Variants in TEX2 observed in about 807,000 individuals in gnomAD.
The protein encoded by TEX2 is testis expressed 2, also known as testis-expressed protein 2.
Under a neutral mutation model 106.9 loss-of-function variants are expected in TEX2, and 53 were observed. That is an observed-to-expected ratio of 0.50 (90% confidence interval 0.40 to 0.62). The LOEUF (loss-of-function observed/expected upper bound fraction) is 0.62, where lower values mean the gene tolerates loss of function less well. Ranked by LOEUF, TEX2 falls within the 20% of genes least tolerant of loss-of-function variation. The pLI is 0.00. For missense variants in TEX2, 1,207 were observed against 1,379.0 expected, an observed-to-expected ratio of 0.88 and a Z score of 1.98; for synonymous variants, 523 against 534.8, an observed-to-expected ratio of 0.98 and a Z score of 0.30.
At chr17:64,235,913 T>G (rs1598214342) in intron 1 of TEX2, among the ~76,000 whole-genome samples, 1 of 152,134 alleles carries the variant, frequency 6.6e-6, no homozygotes, top group East Asian at 1.9e-4. Context: ...ACAAGCTATA[T>G]CAGATGAGCT....
chr17:64,174,825 C>T (rs1213493402), intron 6 of TEX2, among the ~76,000 whole-genome samples: 1 of 152,262 alleles, frequency 6.6e-6, no homozygotes, highest in Non-Finnish European at 1.5e-5. Context: ...ACACTTACTA[C>T]TGGGGCAGAA....
Position 64,148,993 on chromosome 17 carries a change from A to T in TEX2, c.3360T>A (p.Pro1120=). The part of the protein sequence containing the change: ...RSTSCLLKDP[P]VEAADQP ...ATCATGGCTGATCAGCAGCCTCCAC[A>T]GGTGGGTCTTTCAGGAGGCAGGAAG... Residue 1120 remains proline (P), a synonymous_variant, in exon 12 of 12, where the codon CCT becomes CCA. Coordinates refer to ENST00000584379, the MANE Select transcript of TEX2 (RefSeq NM_001288732.2). 6.2e-7 allele frequency: 1 copy of T among 1,614,244 alleles called. No homozygotes were observed. The highest frequency in any genetic ancestry group is 8.5e-7 in the Non-Finnish European group (1 of 1,180,042).
rs781927159 is a variant in TEX2, at chr17:64,213,031, T to G, written c.1187A>C (p.Lys396Thr). 1 of 1,614,242 alleles carries G rather than the reference T, an allele frequency of 6.2e-7. No individual in the cohort carries two copies. Among genetic ancestry groups the G allele is most frequent in the Non-Finnish European group, 8.5e-7 (1 of 1,180,052 alleles). ...QGSSLKDLGL[K>T]TSSLVLEKCS... Reference sequence around the variant, plus strand: ...TTTCTCCAGAACTAGAGAACTTGTCTTCAGGCCTAAATCCTTCAGACTGCT... The same window carrying G: ...TTTCTCCAGAACTAGAGAACTTGTCGTCAGGCCTAAATCCTTCAGACTGCT... Residue 396 changes from lysine to threonine, a missense_variant, in exon 2 of 12, where the codon AAG (lysine) becomes ACG (threonine). Lys to Thr is a moderately conservative substitution (Grantham distance 78, BLOSUM62 -1). Coordinates refer to ENST00000584379, the MANE Select transcript of TEX2 (RefSeq NM_001288732.2). This position sits in a 1 kb window ranked among gnomAD's most constrained non-coding sequence, Gnocchi z 4.4.
chr17:64,161,492 TC>T (rs1372528826), intron 7 of TEX2, among the ~76,000 whole-genome samples: 1 of 152,208 alleles, frequency 6.6e-6, no homozygotes, highest in African/African-American at 2.4e-5. Context: ...GACCTTCCTT[TC>T]TTTCTGGAAA....
chr17:64,191,360 G>T (rs888203707), intron 4 of TEX2, among the ~76,000 whole-genome samples: 1 of 152,112 alleles, frequency 6.6e-6, no homozygotes, highest in African/African-American at 2.4e-5. Flanking sequence ...GCTCTGGGGG[G>T]CCCCTAAGTA....
rs138469597 is a variant in TEX2 at position 64,183,550 on chromosome 17, C to T, written c.2424+4618G>A. ...CAAGTGATTCTCGTGCCTCAGCCTCCCCAGTAGCTGGGATTACAGGCATGC... is the reference window on the plus strand; with the variant it reads ...CAAGTGATTCTCGTGCCTCAGCCTCTCCAGTAGCTGGGATTACAGGCATGC... On this transcript the variant is annotated intron_variant, in intron 5 of 11. Transcript: ENST00000584379. 2.9e-3 allele frequency among the ~76,000 whole-genome samples: 435 copies of T among 152,274 alleles called. 2 individuals carry two copies. Among genetic ancestry groups the T allele is most frequent in the African/African-American group, 9.6e-3 (399 of 41,546 alleles).
chr17:64,180,836 TG>T (rs2031824104), intron 5 of TEX2, among the ~76,000 whole-genome samples: 2 of 152,228 alleles, frequency 1.3e-5, no homozygotes, highest in Admixed American at 1.3e-4. Flanking sequence ...ACAGATTTAC[TG>T]AAGTCTGTGG....
At chr17:64,259,943 A>G (rs1261702376) in intron 1 of TEX2, among the ~76,000 whole-genome samples, 2 of 152,202 alleles carry the variant, frequency 1.3e-5, no homozygotes, top group African/African-American at 4.8e-5. Flanking sequence ...TACATAAATT[A>G]CACTGTCTTA....
intron 1 of TEX2, among the ~76,000 whole-genome samples, chr17:64,238,624 C>A (rs9907707): frequency 1.3e-5 from 2 of 152,050 alleles, no homozygotes; most frequent in East Asian, 3.9e-4. Flanking sequence ...GAGTGCCAAG[C>A]GAAGGGGGAA....
rs58313195 is a variant in TEX2, at chr17:64,210,634, C to CTTTTTTTTTTTTTTTTTTTTTTTTTTT, written c.1644+1939_1644+1940insAAAAAAAAAAAAAAAAAAAAAAAAAAA. Among the ~76,000 whole-genome samples, 4 of 74,758 alleles carry CTTTTTTTTTTTTTTTTTTTTTTTTTTT rather than the reference C, an allele frequency of 5.4e-5. 1 individual carries two copies. Among genetic ancestry groups the CTTTTTTTTTTTTTTTTTTTTTTTTTTT allele is most frequent in the Non-Finnish European group, 7.3e-5 (3 of 41,032 alleles). The allele number at this position is 74,758 out of a possible 152,430, so 49.0% of individuals were successfully genotyped here. ...TAAAAGAATTCTCCCCAACCCCCAGCTTTTTTTTTTTTTTTTTTTTTTTTT... is the reference window on the plus strand; with the variant it reads ...TAAAAGAATTCTCCCCAACCCCCAGCTTTTTTTTTTTTTTTTTTTTTTTTTTTTTTTTTTTTTTTTTTTTTTTTTTTT... On this transcript the variant is annotated intron_variant, in intron 2 of 11. Coordinates refer to ENST00000584379, the MANE Select transcript of TEX2 (RefSeq NM_001288732.2).
At chr17:64,179,487 T>G (rs1001319987) in intron 5 of TEX2, among the ~76,000 whole-genome samples, 3 of 152,208 alleles carry the variant, frequency 2.0e-5, no homozygotes, top group African/African-American at 7.2e-5. Flanking sequence ...CTCTTCACAA[T>G]AAACCTTCCT....
chr17:64,247,895 A>G (rs1339572423), intron 1 of TEX2, among the ~76,000 whole-genome samples: 1 of 152,186 alleles, frequency 6.6e-6, no homozygotes, highest in East Asian at 1.9e-4. Context: ...CCCCAAGATT[A>G]AAAAACCCAG....
intron 1 of TEX2, chr17:64,239,307 AT>A (rs2033834642): frequency 6.6e-6 from 1 of 152,174 alleles, no homozygotes; most frequent in African/African-American, 2.4e-5. Context: ...AATAACCTTA[AT>A]TTTTAAAGAG....
At chr17:64,238,624 C>T (rs9907707) in intron 1 of TEX2, among the ~76,000 whole-genome samples, 20,546 of 152,128 alleles carry the variant, frequency 0.14, 1,826 homozygotes, top group African/African-American at 0.25. Flanking sequence ...GAGTGCCAAG[C>T]GAAGGGGGAA....
intron 1 of TEX2, among the ~76,000 whole-genome samples, chr17:64,254,798 T>C (rs1328280651): frequency 2.0e-5 from 3 of 152,180 alleles, no homozygotes; most frequent in Non-Finnish European, 4.4e-5. Flanking sequence ...TGTTTGAAAA[T>C]AACCTGTGAC....
At chr17:64,152,591 G>A (rs2030410163) in intron 10 of TEX2, among the ~76,000 whole-genome samples, 1 of 152,180 alleles carries the variant, frequency 6.6e-6, no homozygotes, top group Non-Finnish European at 1.5e-5. Flanking sequence ...ATTACAACCA[G>A]GGCCAGGCAG....
intron 1 of TEX2, among the ~76,000 whole-genome samples, chr17:64,216,148 A>G (rs2033179316): frequency 6.6e-6 from 1 of 152,270 alleles, no homozygotes; most frequent in Non-Finnish European, 1.5e-5. Flanking sequence ...CCAACAAAGC[A>G]ATTTAAATCC....
intron 1 of TEX2, among the ~76,000 whole-genome samples, chr17:64,220,752 G>A (rs1393872055): frequency 6.6e-6 from 1 of 152,162 alleles, no homozygotes; most frequent in South Asian, 2.1e-4. Flanking sequence ...CACTGTTGGT[G>A]GGAATATAAA....
At position 64,154,938 on chromosome 17, in the gene TEX2, T is replaced by C. The variant is rs1226176012; in HGVS notation, c.2834A>G (p.Asp945Gly). 1 of 1,602,612 alleles carries C rather than the reference T, an allele frequency of 6.2e-7. No individual in the cohort carries two copies. The highest frequency in any genetic ancestry group is 8.5e-7 in the Non-Finnish European group (1 of 1,176,470). The change falls in exon 9 of 12, where the codon GAC (aspartate) becomes GGC (glycine). Residue 945 changes from aspartate to glycine, a missense_variant. Coordinates refer to ENST00000584379, the MANE Select transcript of TEX2 (RefSeq NM_001288732.2). ...AGCGCTGGAGGATTCCTCATCGCTG[T>C]CCGCCAGACAGAATGCCCGGGGCCT... ...GCRPRAFCLA[D>G]SDEESSSAGS... is the part of the protein sequence containing the mutation.
Sources: gnomAD v4.1 joint callset for allele counts (sites outside exome capture counted in the v4.1 genomes callset) on GRCh38, gnomAD v4.1.1 for gene constraint, Gnocchi (gnomAD v3.1) non-coding constraint, MANE v1.5 for transcripts, NCBI Gene and HGNC (gene_info 2026-07-23, HGNC 2026-07-21) for gene names.